The following RAP1GAP2 variants were observed in gnomAD, a reference collection of about 807,000 sequenced individuals.
The protein encoded by RAP1GAP2 is rap1 GTPase-activating protein 2.
Under a neutral mutation model 95.0 loss-of-function variants are expected in RAP1GAP2, and 27 were observed. That is an observed-to-expected ratio of 0.28 (90% confidence interval 0.21 to 0.39). The LOEUF is 0.39. Ranked by LOEUF, RAP1GAP2 falls within the 10% of genes least tolerant of loss-of-function variation. The pLI is 1.00. For missense variants in RAP1GAP2, 771 were observed against 970.0 expected (o/e 0.79, Z 2.72); for synonymous variants, 373 against 380.9 (o/e 0.98, Z 0.24).
chr17:2,911,156 G>T (rs1411340934), intron 3 of RAP1GAP2, among the ~76,000 whole-genome samples: 4 of 152,036 alleles, frequency 2.6e-5, no homozygotes, highest in African/African-American at 4.8e-5. Flanking sequence ...CAGCCTGAGA[G>T]TCTCTGCCGC....
chr17:2,922,904 A>ACGAC (rs1184280559), intron 3 of RAP1GAP2, among the ~76,000 whole-genome samples: 18 of 143,322 alleles, frequency 1.3e-4, no homozygotes, highest in African/African-American at 4.7e-4. Context: ...GCGACCTTGC[A>ACGAC]CTACCTTGGC....
At chr17:2,876,405 G>C (rs1279533131) in intron 2 of RAP1GAP2, among the ~76,000 whole-genome samples, 2 of 152,188 alleles carry the variant, frequency 1.3e-5, no homozygotes, top group Non-Finnish European at 2.9e-5. Context: ...TGAGACATCA[G>C]TCCATCCATG....
intron 2 of RAP1GAP2, among the ~76,000 whole-genome samples, chr17:2,833,521 T>C (rs2070993891): frequency 6.6e-6 from 1 of 151,508 alleles, no homozygotes; most frequent in Non-Finnish European, 1.5e-5. Flanking sequence ...AAACCCCGTT[T>C]CTACTAAAAA....
At chr17:2,960,168 A>T (rs1178808431) in intron 4 of RAP1GAP2, among the ~76,000 whole-genome samples, 1 of 151,368 alleles carries the variant, frequency 6.6e-6, no homozygotes, top group African/African-American at 2.4e-5. Flanking sequence ...TACCTCTAGC[A>T]AAATAGCACA....
intron 13 of RAP1GAP2, among the ~76,000 whole-genome samples, chr17:2,997,052 C>T (rs8065432): frequency 0.29 from 43,637 of 151,970 alleles, 7,158 homozygotes; most frequent in African/African-American, 0.46. Context: ...CATAGCTCAC[C>T]GCGGCCTTGA....
chr17:2,982,279 C>A (rs554011950), intron 10 of RAP1GAP2, among the ~76,000 whole-genome samples: 1 of 152,340 alleles, frequency 6.6e-6, no homozygotes, highest in South Asian at 2.1e-4. Flanking sequence ...GCTGGGACTA[C>A]AGGTGTGCGC....
At chr17:2,833,042 C>CAT (rs2070961665) in intron 2 of RAP1GAP2, among the ~76,000 whole-genome samples, 1 of 152,076 alleles carries the variant, frequency 6.6e-6, no homozygotes, top group African/African-American at 2.4e-5. Flanking sequence ...AATGTCCATA[C>CAT]ATACACAGTT....
intron 3 of RAP1GAP2, among the ~76,000 whole-genome samples, chr17:2,927,438 C>T (rs1035432817): frequency 1.1e-4 from 17 of 152,200 alleles, no homozygotes; most frequent in Admixed American, 6.5e-4. Context: ...CAGGCGTGAG[C>T]CACCGCGCCC....
chr17:2,822,035 A>C (rs116476948), intron 2 of RAP1GAP2, among the ~76,000 whole-genome samples: 120 of 152,256 alleles, frequency 7.9e-4, no homozygotes, highest in African/African-American at 2.7e-3. Context: ...AGGAGGCGGC[A>C]AGCTGGTGTC....
Position 3,004,185 on chromosome 17 carries a change from C to T in RAP1GAP2, c.1201-1184C>T, listed in dbSNP as rs1331274246. 6.6e-6 allele frequency among the ~76,000 whole-genome samples: 1 copy of T among 152,224 alleles called. No individual in the cohort carries two copies. Among genetic ancestry groups the T allele is most frequent in the Non-Finnish European group, 1.5e-5 (1 of 68,034 alleles). The stretch of plus-strand genomic sequence containing the variant: ...GTGGGTGGTGGTAGGGAACCGGGTT[C>T]AGCTGCTGGAGCCCAGCCAGAAATC... On this transcript the variant is annotated intron_variant, in intron 14 of 24. Transcript: ENST00000254695. The surrounding 1 kb of genome is among the most constrained non-coding windows in gnomAD (Gnocchi z 4.1).
intron 3 of RAP1GAP2, among the ~76,000 whole-genome samples, chr17:2,919,055 C>T (rs972356020): frequency 1.3e-5 from 2 of 152,124 alleles, no homozygotes; most frequent in African/African-American, 4.8e-5. Context: ...CTGATTTCTG[C>T]CCTGCCAGGT....
intron 3 of RAP1GAP2, among the ~76,000 whole-genome samples, chr17:2,914,071 C>A (rs1023984646): frequency 1.3e-5 from 2 of 152,072 alleles, no homozygotes; most frequent in African/African-American, 4.8e-5. Context: ...CGGGGTTTCA[C>A]CATGTTGGCC....
intron 19 of RAP1GAP2, 54 bp from the exon 20 acceptor site, chr17:3,025,954 G>A: frequency 2.2e-6 from 3 of 1,336,820 alleles, no homozygotes; most frequent in East Asian, 4.7e-5. Flanking sequence ...CCGTGGATGG[G>A]GTGGGGGTTG....
intron 17 of RAP1GAP2, among the ~76,000 whole-genome samples, chr17:3,009,641 T>C (rs1340213225): frequency 6.6e-6 from 1 of 152,192 alleles, no homozygotes; most frequent in Non-Finnish European, 1.5e-5. Context: ...GGCACAGCTC[T>C]TCCTACCCTA....
chr17:2,887,779 A>T (rs947061919), intron 2 of RAP1GAP2, among the ~76,000 whole-genome samples: 3 of 151,532 alleles, frequency 2.0e-5, no homozygotes, highest in African/African-American at 7.3e-5. Context: ...GGTTCAAGCA[A>T]TCCCCCTGCC....
In RAP1GAP2 at chr17:2,944,733, T is replaced by G. The variant is rs77174614; in HGVS notation, c.166-13026T>G. ...ATCACTTTGAATGGTACTGCCACCT[T>G]AACAGTATTAAATCTCCAATCCATG... is the stretch of plus-strand genomic sequence containing the variant. On this transcript the variant is annotated intron_variant, in intron 3 of 24. Coordinates refer to ENST00000254695, the MANE Select transcript of RAP1GAP2 (RefSeq NM_015085.5). 4.8e-3 allele frequency among the ~76,000 whole-genome samples: 734 copies of G among 152,312 alleles called. 6 individuals are homozygous for G. Among genetic ancestry groups the G allele is most frequent in the African/African-American group, 0.016 (672 of 41,570 alleles).
rs2069117172 is a variant in RAP1GAP2 at position 2,797,192 on chromosome 17, C to T, written c.44+621C>T. ...TGGGTTGTGAGAGAAGGTCTCCCAC[C>T]TGCACCCCAGGCAGCCCACCCTAGC... On this transcript the variant is annotated intron_variant, in intron 1 of 24. Transcript: ENST00000254695. This position sits in a 1 kb window ranked among gnomAD's most constrained non-coding sequence, Gnocchi z 5.6. Among the ~76,000 whole-genome samples, 1 of 152,160 alleles carries T rather than the reference C, an allele frequency of 6.6e-6. No individual in the cohort carries two copies. Among genetic ancestry groups the T allele is most frequent in the Non-Finnish European group, 1.5e-5 (1 of 68,018 alleles).
At chr17:2,933,874 G>A (rs975313556) in intron 3 of RAP1GAP2, among the ~76,000 whole-genome samples, 1 of 152,278 alleles carries the variant, frequency 6.6e-6, no homozygotes. Flanking sequence ...GCCAGCTGAC[G>A]CTGCAAAGCC....
At chr17:2,798,548 C>T (rs2069157727) in intron 1 of RAP1GAP2, among the ~76,000 whole-genome samples, 1 of 151,810 alleles carries the variant, frequency 6.6e-6, no homozygotes, top group African/African-American at 2.4e-5. Flanking sequence ...GCCCTGGTCC[C>T]TCCAGACAGT....
Sources: allele counts gnomAD v4.1 joint callset (sites outside exome capture counted in the v4.1 genomes callset), GRCh38; gene constraint gnomAD v4.1.1; non-coding constraint Gnocchi (gnomAD v3.1); transcripts MANE v1.5; gene names NCBI Gene and HGNC (gene_info 2026-07-23, HGNC 2026-07-21).